ARHGAP25: variants seen among roughly 807,000 people sequenced by gnomAD.
ARHGAP25 encodes the protein rho GTPase-activating protein 25.
ARHGAP25 carries 34 observed loss-of-function variants against 71.0 expected under a neutral mutation model. That is an observed-to-expected ratio of 0.48 (90% CI 0.36 to 0.64). The LOEUF (loss-of-function observed/expected upper bound fraction) is 0.64. Among genes scored for constraint, ARHGAP25 ranks in the 30% least tolerant of loss-of-function variants. The pLI, the probability that ARHGAP25 is intolerant of heterozygous loss-of-function variation, is 0.00. For missense variants in ARHGAP25, 706 were observed against 805.1 expected (o/e 0.88, Z 1.49); for synonymous variants, 282 against 296.5 (o/e 0.95, Z 0.50).
chr2:68,783,551 C>T (rs1185218102), intron 3 of ARHGAP25, among the ~76,000 whole-genome samples: 1 of 151,858 alleles, frequency 6.6e-6, no homozygotes, highest in Non-Finnish European at 1.5e-5. Context: ...CAGCCTCTGC[C>T]TCCCCAGTTC....
chr2:68,780,364 T>C (rs192289372), intron 2 of ARHGAP25, among the ~76,000 whole-genome samples: 2 of 152,326 alleles, frequency 1.3e-5, no homozygotes, highest in East Asian at 3.9e-4. Flanking sequence ...TACCAGACAG[T>C]GCTCCATCCT....
chr2:68,782,650 G>A (rs1280396183), intron 3 of ARHGAP25, among the ~76,000 whole-genome samples: 1 of 152,168 alleles, frequency 6.6e-6, no homozygotes, highest in East Asian at 1.9e-4. Flanking sequence ...TCACTAAAAT[G>A]AACTCATTGT....
chr2:68,760,187 T>G (rs549185782), intron 1 of ARHGAP25, among the ~76,000 whole-genome samples: 1 of 152,132 alleles, frequency 6.6e-6, no homozygotes, highest in South Asian at 2.1e-4. Flanking sequence ...GGAATCTACC[T>G]CAATGTAATA....
rs1424922440 is a variant in ARHGAP25, at chr2:68,817,921, G to A, written c.930G>A (p.Val310=). 1 of 1,614,086 alleles carries A rather than the reference G, an allele frequency of 6.2e-7. No individual in the cohort carries two copies. The highest frequency in any genetic ancestry group is 1.1e-5 in the South Asian group (1 of 91,074). ...ACTGTGCTGTTAACAAGATGAGTGT[G>A]GACAACCTGGCTACTGTGATTGGTG... ...QLNCAVNKMS[V]DNLATVIGVN... The change falls in exon 8 of 11, where the codon GTG becomes GTA. Residue 310 remains valine, a synonymous_variant. Coordinates refer to ENST00000409202, the MANE Select transcript of ARHGAP25 (RefSeq NM_001007231.3).
intron 10 of ARHGAP25, among the ~76,000 whole-genome samples, chr2:68,823,931 C>G (rs573414710): frequency 2.8e-4 from 42 of 152,264 alleles, no homozygotes; most frequent in African/African-American, 8.7e-4. Flanking sequence ...GGAGAGAAAG[C>G]CTTGATCCAG....
chr2:68,724,130 G>C (rs1031616792), intron 2 of ARHGAP25, among the ~76,000 whole-genome samples: 7 of 152,116 alleles, frequency 4.6e-5, no homozygotes, highest in Non-Finnish European at 1.0e-4. Flanking sequence ...GCAGAACCAT[G>C]CAGCTGAGAA....
chr2:68,789,322 G>A (rs1021764227), intron 4 of ARHGAP25, among the ~76,000 whole-genome samples: 4 of 152,208 alleles, frequency 2.6e-5, no homozygotes, highest in Admixed American at 6.5e-5. Context: ...ACAGGCGTGA[G>A]CCACCGTGCC....
chr2:68,781,134 T>G (rs1229197352), intron 2 of ARHGAP25, among the ~76,000 whole-genome samples: 1 of 152,084 alleles, frequency 6.6e-6, no homozygotes, highest in Non-Finnish European at 1.5e-5. Flanking sequence ...ATGCCTGTAA[T>G]CCCAGCACTT....
chr2:68,768,830 C>T (rs1677294299), intron 1 of ARHGAP25, among the ~76,000 whole-genome samples: 1 of 152,202 alleles, frequency 6.6e-6, no homozygotes, highest in African/African-American at 2.4e-5. Context: ...ACTGGACTCA[C>T]CTGCCTGTTC....
chr2:68,763,861 C>G (rs1296030025), intron 1 of ARHGAP25, among the ~76,000 whole-genome samples: 3 of 152,060 alleles, frequency 2.0e-5, no homozygotes, highest in Admixed American at 2.0e-4. Flanking sequence ...AGTTTCTAAT[C>G]TTTCTTTTAA....
chr2:68,738,719 G>A (rs1165003843), intron 1 of ARHGAP25, among the ~76,000 whole-genome samples: 2 of 151,884 alleles, frequency 1.3e-5, no homozygotes, highest in Non-Finnish European at 2.9e-5. Flanking sequence ...TACTTGGGAG[G>A]CTGAGGCAGG....
At chr2:68,802,730 AG>A (rs1573580795) in intron 4 of ARHGAP25, among the ~76,000 whole-genome samples, 1 of 148,102 alleles carries the variant, frequency 6.8e-6, no homozygotes, top group Non-Finnish European at 1.5e-5. Context: ...AGAGAGAGAG[AG>A]AAAAGATGGA....
chr2:68,757,977 G>C (rs903549327), intron 1 of ARHGAP25, among the ~76,000 whole-genome samples: 3 of 152,034 alleles, frequency 2.0e-5, no homozygotes, highest in African/African-American at 7.2e-5. Flanking sequence ...GTGGGGTGCA[G>C]AGCTGTTAAA....
intron 4 of ARHGAP25, among the ~76,000 whole-genome samples, chr2:68,799,305 T>C (rs1339022799): frequency 6.6e-6 from 1 of 152,174 alleles, no homozygotes; most frequent in African/African-American, 2.4e-5. Flanking sequence ...TGTCTCTCTG[T>C]AATGCTGAGA....
At chr2:68,819,626 G>T (rs1681491488) in intron 9 of ARHGAP25, 1 of 581,672 alleles carries the variant, frequency 1.7e-6, no homozygotes, top group Non-Finnish European at 3.1e-6. Context: ...AGTTCAGTGG[G>T]AAAAATGTAT....
rs1444545319 is a variant in ARHGAP25, at chr2:68,822,587, A to C, written c.1448A>C (p.His483Pro). Reference protein sequence around the residue: ...PSSEAKAGEGHRRTMSQDLRQ... With the variant: ...PSSEAKAGEGPRRTMSQDLRQ... ...TCAGAGGCTAAGGCAGGGGAAGGGC[A>C]CAGGAGAACGATGTCTCAAGACTTG... The change falls in exon 10 of 11, where the codon CAC (histidine) becomes CCC (proline). Residue 483 changes from histidine (H) to proline (P), a missense_variant. Physicochemically the swap from His to Pro is moderately conservative, Grantham distance 77. Transcript: ENST00000409202. 2 of 1,614,084 alleles carry C rather than the reference A, an allele frequency of 1.2e-6. No individual in the cohort carries two copies. The highest frequency in any genetic ancestry group is 1.7e-6 in the Non-Finnish European group (2 of 1,180,052).
chr2:68,824,850 G>A (rs1041633566), intron 10 of ARHGAP25, among the ~76,000 whole-genome samples: 1 of 152,196 alleles, frequency 6.6e-6, no homozygotes, highest in Admixed American at 6.5e-5. Context: ...CCACAGAATA[G>A]GCCAAGGCCC....
chr2:68,727,089 C>G (rs907079543), intron 2 of ARHGAP25, among the ~76,000 whole-genome samples: 5 of 152,152 alleles, frequency 3.3e-5, no homozygotes, highest in Non-Finnish European at 7.3e-5. Flanking sequence ...CATGCTGAGG[C>G]ATCTGTCAGT....
intron 2 of ARHGAP25, among the ~76,000 whole-genome samples, chr2:68,711,111 T>A (rs923193010): frequency 1.3e-5 from 2 of 152,180 alleles, no homozygotes; most frequent in East Asian, 3.9e-4. Context: ...TTAACTTGCC[T>A]TCTTTTCTGT....
Sources: gnomAD v4.1 joint callset for allele counts (sites outside exome capture counted in the v4.1 genomes callset) on GRCh38, gnomAD v4.1.1 for gene constraint, MANE v1.5 for transcripts, NCBI Gene and HGNC (gene_info 2026-07-23, HGNC 2026-07-21) for gene names.